EXT1: variants seen among roughly 807,000 people sequenced by gnomAD.
The protein encoded by EXT1 is exostosin-1.
In EXT1, 20 loss-of-function variants were observed where a neutral mutation model predicts 82.5. The observed-to-expected ratio is 0.24, with a 90% CI of 0.17 to 0.35. The LOEUF (loss-of-function observed/expected upper bound fraction) is 0.35, where lower values mean the gene tolerates loss of function less well. Among genes scored for constraint, EXT1 ranks in the 10% least tolerant of loss-of-function variants. The probability of loss-of-function intolerance (pLI) is 1.00; values close to 1 mark genes in which losing one functional copy is unlikely to be tolerated. For synonymous variants in EXT1, 348 were observed against 350.8 expected, an observed-to-expected ratio of 0.99 and a Z score of 0.09; for missense variants, 757 against 936.5, an observed-to-expected ratio of 0.81 and a Z score of 2.50.
Position 118,110,860 on chromosome 8 carries a change from G to C in EXT1, c.187C>G (p.Arg63Gly). The part of the protein sequence containing the change: ...HFWPRFPDAL[R>G]PFVPWDQLEN... ...AATTGATCCCAAGGAACGAAGGGGC[G>C]CAGAGCGTCCGGGAAGCGGGGCCAG... Residue 63 changes from arginine to glycine, a missense_variant, in exon 1 of 11, where the codon CGC (arginine) becomes GGC (glycine). Coordinates refer to ENST00000378204, the MANE Select transcript of EXT1 (RefSeq NM_000127.3). The C allele has an allele frequency of 6.2e-7, 1 of 1,613,172 alleles. No homozygotes were observed. Among genetic ancestry groups the C allele is most frequent in the Non-Finnish European group, 8.5e-7 (1 of 1,179,214 alleles).
intron 1 of EXT1, among the ~76,000 whole-genome samples, chr8:118,087,495 A>T (rs1189449265): frequency 6.6e-6 from 1 of 152,224 alleles, no homozygotes; most frequent in Non-Finnish European, 1.5e-5. Flanking sequence ...CGGTTTTAGA[A>T]TCCACAGAGT....
chr8:118,053,453 A>G (rs550539998), intron 1 of EXT1, among the ~76,000 whole-genome samples: 1 of 152,324 alleles, frequency 6.6e-6, no homozygotes, highest in African/African-American at 2.4e-5. Context: ...GCCCAGAGAA[A>G]AAGAATCAAC....
chr8:118,093,807 A>G (rs559215978), intron 1 of EXT1, among the ~76,000 whole-genome samples: 1 of 152,236 alleles, frequency 6.6e-6, no homozygotes, highest in Non-Finnish European at 1.5e-5. Context: ...TGGCCCTGTT[A>G]TAAGTTTATC....
intron 1 of EXT1, among the ~76,000 whole-genome samples, chr8:117,999,992 A>C (rs923829956): frequency 6.6e-6 from 1 of 151,762 alleles, no homozygotes; most frequent in Non-Finnish European, 1.5e-5. Flanking sequence ...GTATATATAT[A>C]TCTGTACTTT....
intron 8 of EXT1, among the ~76,000 whole-genome samples, chr8:117,809,579 G>C (rs1222539306): frequency 6.6e-6 from 1 of 151,642 alleles, no homozygotes; most frequent in East Asian, 1.9e-4. Context: ...GGAGGTTGCG[G>C]TGAGCCGAGA....
At chr8:117,831,347 CTTAA>C (rs1439564770) in intron 3 of EXT1, among the ~76,000 whole-genome samples, 2 of 152,186 alleles carry the variant, frequency 1.3e-5, no homozygotes, top group Non-Finnish European at 2.9e-5. Flanking sequence ...ACATGGAAAA[CTTAA>C]TTAATGTAAC....
chr8:118,038,600 A>G lies in EXT1; in HGVS notation c.962+71485T>C, dbSNP rs11562699. ...ACCTGTGACTAGAACACCTGACTCT[A>G]ATAACAGCACTTACCATTTACCAAG... On this transcript the variant is annotated intron_variant, in intron 1 of 10. Coordinates refer to ENST00000378204, the MANE Select transcript of EXT1 (RefSeq NM_000127.3). Among the ~76,000 whole-genome samples, 289 of 152,318 alleles carry G rather than the reference A, an allele frequency of 1.9e-3. 2 individuals are homozygous for G. The highest frequency in any genetic ancestry group is 6.8e-3 in the African/African-American group (282 of 41,576).
Position 117,968,565 on chromosome 8 carries a change from T to A in EXT1, c.963-131364A>T, listed in dbSNP as rs1321441951. The stretch of plus-strand genomic sequence containing the variant: ...TATTTATTTATTTATTTTTTTTTTT[T>A]TTTTTTTTTTTTTTTTTTTTTTGAG... On this transcript the variant is annotated intron_variant, in intron 1 of 10. Coordinates refer to ENST00000378204, the MANE Select transcript of EXT1 (RefSeq NM_000127.3). 1.8e-3 allele frequency among the ~76,000 whole-genome samples: 23 copies of A among 12,810 alleles called. 1 individual carries two copies. The highest frequency in any genetic ancestry group is 0.011 in the East Asian group (8 of 696). The allele number at this position is 12,810 out of a possible 152,430, so 8.4% of individuals were successfully genotyped here.
At position 117,884,999 on chromosome 8, in the gene EXT1, T is replaced by C. The variant is rs146266079; in HGVS notation, c.963-47798A>G. Among the ~76,000 whole-genome samples, 389 of 152,326 alleles carry C rather than the reference T, an allele frequency of 2.6e-3. 2 individuals are homozygous for C. Among genetic ancestry groups the C allele is most frequent in the South Asian group, 0.014 (67 of 4,826 alleles). On this transcript the variant is annotated intron_variant, in intron 1 of 10. Coordinates refer to ENST00000378204, the MANE Select transcript of EXT1 (RefSeq NM_000127.3). ...CTAGTTAATACAGGCCTGCTGATTT[T>C]TTCCCGTGAGTGCAGCATTAGAGAT...
intron 4 of EXT1, among the ~76,000 whole-genome samples, chr8:117,827,498 G>A (rs575606882): frequency 2.1e-4 from 32 of 152,114 alleles, no homozygotes; most frequent in African/African-American, 6.0e-4. Flanking sequence ...ACATAAAAAC[G>A]TCATGAGAAA....
intron 1 of EXT1, among the ~76,000 whole-genome samples, chr8:117,986,272 C>T (rs1371946732): frequency 6.6e-6 from 1 of 151,820 alleles, no homozygotes; most frequent in Non-Finnish European, 1.5e-5. Flanking sequence ...TCACTGCAAC[C>T]TCTGCCTCCT....
At chr8:117,946,054 C>T (rs1814380983) in intron 1 of EXT1, among the ~76,000 whole-genome samples, 1 of 152,182 alleles carries the variant, frequency 6.6e-6, no homozygotes, top group African/African-American at 2.4e-5. Context: ...CGCGTGCCAC[C>T]ATGCCCGGCT....
intron 1 of EXT1, among the ~76,000 whole-genome samples, chr8:117,942,695 G>C (rs569701282): frequency 1.9e-4 from 29 of 152,040 alleles, no homozygotes; most frequent in Non-Finnish European, 3.8e-4. Flanking sequence ...TGAGCAACAA[G>C]AGCGAAATTC....
intron 1 of EXT1, among the ~76,000 whole-genome samples, chr8:117,996,021 T>C (rs891606409): frequency 6.6e-6 from 1 of 152,060 alleles, no homozygotes; most frequent in African/African-American, 2.4e-5. Flanking sequence ...TCCCAGAACC[T>C]TGCCACTTCT....
At chr8:118,023,670 G>T (rs1482763357) in intron 1 of EXT1, among the ~76,000 whole-genome samples, 5 of 152,146 alleles carry the variant, frequency 3.3e-5, no homozygotes, top group Non-Finnish European at 7.4e-5. Flanking sequence ...CAAACTCTAT[G>T]TTTTCTTTTT....
intron 1 of EXT1, among the ~76,000 whole-genome samples, chr8:117,993,610 C>A (rs1002325302): frequency 3.3e-5 from 5 of 152,100 alleles, no homozygotes; most frequent in Admixed American, 6.5e-5. Flanking sequence ...AGAACAACAC[C>A]AGAAAGAGAA....
chr8:117,850,287 T>G (rs1464555724), intron 1 of EXT1, among the ~76,000 whole-genome samples: 1 of 152,250 alleles, frequency 6.6e-6, no homozygotes, highest in African/African-American at 2.4e-5. Flanking sequence ...GTGTGTCAGA[T>G]AGATAGCTGC....
At chr8:117,988,289 T>G (rs1426169584) in intron 1 of EXT1, among the ~76,000 whole-genome samples, 1 of 152,188 alleles carries the variant, frequency 6.6e-6, no homozygotes, top group Non-Finnish European at 1.5e-5. Context: ...TACTTGTTAT[T>G]ATTACTCCAA....
intron 8 of EXT1, among the ~76,000 whole-genome samples, chr8:117,812,330 G>C (rs184061026): frequency 6.6e-6 from 1 of 152,220 alleles, no homozygotes; most frequent in Admixed American, 6.5e-5. Context: ...ACAACTACCT[G>C]AACATCTGAA....
Sources: allele counts gnomAD v4.1 joint callset (sites outside exome capture counted in the v4.1 genomes callset), GRCh38; gene constraint gnomAD v4.1.1; transcripts MANE v1.5; gene names NCBI Gene and HGNC (gene_info 2026-07-23, HGNC 2026-07-21).